The following PRKACB variants were observed in gnomAD, a reference collection of about 807,000 sequenced individuals.
The protein encoded by PRKACB is protein kinase cAMP-activated catalytic subunit beta, also known as cAMP-dependent protein kinase catalytic subunit beta.
A neutral mutation model predicts 51.4 loss-of-function variants in PRKACB; 16 were observed. The ratio of observed to expected loss-of-function variants is 0.31; its 90% CI spans 0.21 to 0.47. The LOEUF (loss-of-function observed/expected upper bound fraction) is 0.47, where lower values mean the gene tolerates loss of function less well. PRKACB is among the 20% of genes least tolerant of loss of function. The probability of loss-of-function intolerance (pLI) is 1.00; values close to 1 mark genes in which losing one functional copy is unlikely to be tolerated. For synonymous variants in PRKACB, 147 were observed against 154.4 expected, an observed-to-expected ratio of 0.95 and a Z score of 0.35; for missense variants, 309 against 464.5, an observed-to-expected ratio of 0.67 and a Z score of 3.08.
chr1:84,089,282 G>C (rs1425353027), intron 1 of PRKACB, among the ~76,000 whole-genome samples: 1 of 151,858 alleles, frequency 6.6e-6, no homozygotes, highest in African/African-American at 2.4e-5. Flanking sequence ...GACTATTTGG[G>C]GATAATAGTT....
chr1:84,121,792 C>A (rs999580794), intron 1 of PRKACB, among the ~76,000 whole-genome samples: 6 of 152,018 alleles, frequency 3.9e-5, no homozygotes, highest in African/African-American at 9.7e-5. Context: ...GATTTCAGTT[C>A]TCTTTGTGAG....
intron 9 of PRKACB, among the ~76,000 whole-genome samples, chr1:84,214,860 A>G (rs1161287636): frequency 6.6e-6 from 1 of 152,174 alleles, no homozygotes; most frequent in Admixed American, 6.6e-5. Flanking sequence ...TTCCTTTGTT[A>G]AATTTTTCCT....
At chr1:84,093,366 C>T (rs1268044055) in intron 1 of PRKACB, among the ~76,000 whole-genome samples, 1 of 151,768 alleles carries the variant, frequency 6.6e-6, no homozygotes, top group East Asian at 1.9e-4. Context: ...GACACATCAC[C>T]ATTTAAAAGG....
intron 1 of PRKACB, among the ~76,000 whole-genome samples, chr1:84,095,102 T>C (rs1394411190): frequency 6.6e-6 from 1 of 151,988 alleles, no homozygotes; most frequent in African/African-American, 2.4e-5. Context: ...CTCTATGATG[T>C]TCGTACAGTG....
intron 1 of PRKACB, among the ~76,000 whole-genome samples, chr1:84,169,666 G>C (rs975222111): frequency 6.6e-6 from 1 of 151,572 alleles, no homozygotes; most frequent in Non-Finnish European, 1.5e-5. Flanking sequence ...CCACAGAACA[G>C]AGCAGATATG....
intron 5 of PRKACB, among the ~76,000 whole-genome samples, chr1:84,186,890 A>G (rs575106225): frequency 1.3e-5 from 2 of 152,132 alleles, no homozygotes; most frequent in Non-Finnish European, 2.9e-5. Flanking sequence ...TATCACTTCC[A>G]TAGGTATTAG....
At chr1:84,136,463 A>G (rs1331211174) in intron 1 of PRKACB, among the ~76,000 whole-genome samples, 2 of 150,464 alleles carry the variant, frequency 1.3e-5, no homozygotes, top group African/African-American at 4.9e-5. Flanking sequence ...ATGAGATACC[A>G]CTGTACACTT....
intron 5 of PRKACB, among the ~76,000 whole-genome samples, chr1:84,194,418 A>G (rs1441604577): frequency 6.6e-6 from 1 of 152,142 alleles, no homozygotes; most frequent in Non-Finnish European, 1.5e-5. Flanking sequence ...TCCATCTTAG[A>G]AGTTTTGAGG....
chr1:84,191,150 C>G (rs1171358331), intron 5 of PRKACB, among the ~76,000 whole-genome samples: 2 of 152,062 alleles, frequency 1.3e-5, no homozygotes, highest in African/African-American at 4.8e-5. Flanking sequence ...TTTGTGGTAG[C>G]AGATATTGAT....
At chr1:84,086,029 G>A (rs753934028) in intron 1 of PRKACB, 2 of 850,838 alleles carry the variant, frequency 2.4e-6, no homozygotes, top group African/African-American at 1.7e-5. Flanking sequence ...TGGGGCTGAG[G>A]TTAGAGAAGA....
chr1:84,197,961 T>C (rs1668670624), intron 7 of PRKACB, 137 bp downstream of exon 7: 1 of 588,870 alleles, frequency 1.7e-6, no homozygotes, highest in Non-Finnish European at 2.8e-6. Context: ...TATTTGTGCA[T>C]GATTACTAAA....
chr1:84,196,876 T>G, intron 6 of PRKACB, 134 bp downstream of exon 6: 31 of 967,498 alleles, frequency 3.2e-5, no homozygotes, highest in Middle Eastern at 2.7e-4. Flanking sequence ...GCTCAGAGTT[T>G]TGCTGCTATT....
intron 9 of PRKACB, among the ~76,000 whole-genome samples, chr1:84,230,254 A>G (rs1318172153): frequency 3.3e-5 from 5 of 150,832 alleles, no homozygotes; most frequent in African/African-American, 9.7e-5. Context: ...GATATGTGGC[A>G]TTATTTCTGA....
chr1:84,196,582 T>G, intron 5 of PRKACB, 34 bp from the exon 6 acceptor site: 1 of 1,596,746 alleles, frequency 6.3e-7, no homozygotes, highest in Non-Finnish European at 8.5e-7. Context: ...TTAACTCATT[T>G]TTACAGAAAA....
At chr1:84,227,125 T>C (rs1196861065) in intron 9 of PRKACB, among the ~76,000 whole-genome samples, 2 of 152,050 alleles carry the variant, frequency 1.3e-5, no homozygotes, top group Non-Finnish European at 2.9e-5. Flanking sequence ...ACAGTTTCTG[T>C]TTTTTTGAAG....
rs1031716207 is a variant in PRKACB at position 84,236,062 on chromosome 1, C to G, written c.*757C>G. ...AGCAGGAAAAACTAATGATATGGAT[C>G]ATCACCCAGATTCTCTCACTTGGTA... On this transcript the variant is annotated 3_prime_UTR_variant, in exon 10 of 10. Coordinates refer to ENST00000370685, the MANE Select transcript of PRKACB (RefSeq NM_182948.4). 2 of 152,588 alleles carry G rather than the reference C, an allele frequency of 1.3e-5. No individual in the cohort carries two copies. Among genetic ancestry groups the G allele is most frequent in the Non-Finnish European group, 2.9e-5 (2 of 68,030 alleles). 9.5% of individuals were successfully genotyped at this position (152,588 alleles called of 1,614,324 possible).
intron 1 of PRKACB, among the ~76,000 whole-genome samples, chr1:84,176,218 T>C (rs1214668051): frequency 1.3e-5 from 2 of 151,858 alleles, no homozygotes; most frequent in Non-Finnish European, 2.9e-5. Flanking sequence ...CTATATGCTT[T>C]ATAGGGAATT....
intron 1 of PRKACB, among the ~76,000 whole-genome samples, chr1:84,157,940 A>G (rs1028770541): frequency 1.3e-5 from 2 of 152,250 alleles, no homozygotes; most frequent in Middle Eastern, 3.4e-3. Flanking sequence ...GTCATATGGT[A>G]AATTTATGTT....
chr1:84,213,011 A>G (rs1672356382), intron 8 of PRKACB, among the ~76,000 whole-genome samples: 1 of 152,188 alleles, frequency 6.6e-6, no homozygotes, highest in South Asian at 2.1e-4. Flanking sequence ...TTATGAAGTG[A>G]TGGTAGTACT....
Sources: allele counts gnomAD v4.1 joint callset (sites outside exome capture counted in the v4.1 genomes callset), GRCh38; gene constraint gnomAD v4.1.1; transcripts MANE v1.5; gene names NCBI Gene and HGNC (gene_info 2026-07-23, HGNC 2026-07-21).